The following POLR3E variants were observed in gnomAD, a reference collection of about 807,000 sequenced individuals.
POLR3E encodes DNA-directed RNA polymerase III subunit RPC5.
Under a neutral mutation model 96.6 loss-of-function variants are expected in POLR3E, and 41 were observed. That is an observed-to-expected ratio of 0.42 (90% CI 0.33 to 0.55). The LOEUF (loss-of-function observed/expected upper bound fraction) is 0.55. POLR3E is among the 20% of genes least tolerant of loss of function. POLR3E has a pLI of 0.06. For synonymous variants in POLR3E, 396 were observed against 383.6 expected, an observed-to-expected ratio of 1.03 and a Z score of -0.38; for missense variants, 849 against 952.1, an observed-to-expected ratio of 0.89 and a Z score of 1.43.
At position 22,324,585 on chromosome 16, in the gene POLR3E, A is replaced by G; in HGVS notation, c.1211A>G (p.Tyr404Cys). 3.1e-6 allele frequency: 5 copies of G among 1,613,534 alleles called. No homozygotes were observed. Among genetic ancestry groups the G allele is most frequent in the Non-Finnish European group, 4.2e-6 (5 of 1,179,808 alleles). ...INKGWEFILP[Y>C]DGEFIKKHPD... ...AAAGGCTGGGAGTTCATTCTGCCTT[A>G]TGATGGGGAGTTCATCAAGAAGCAC... Residue 404 changes from tyrosine to cysteine, a missense_variant, in exon 16 of 21, where the codon TAT (tyrosine) becomes TGT (cysteine). Tyr to Cys is a radical substitution (Grantham distance 194). Transcript: ENST00000299853.
intron 13 of POLR3E, among the ~76,000 whole-genome samples, chr16:22,321,107 G>A (rs1269257733): frequency 1.3e-5 from 2 of 152,104 alleles, no homozygotes; most frequent in Admixed American, 6.5e-5. Context: ...CTGCCTCCAC[G>A]AGACCATCAG....
intron 20 of POLR3E, 116 bp from the exon 21 acceptor site, chr16:22,333,528 G>T: frequency 5.5e-6 from 4 of 730,314 alleles, no homozygotes; most frequent in South Asian, 3.3e-5. Flanking sequence ...GGCAGTTTTT[G>T]ATTTCCCATT....
intron 8 of POLR3E, 149 bp downstream of exon 8, chr16:22,314,277 C>A: frequency 1.5e-6 from 1 of 664,562 alleles, no homozygotes. Context: ...AGGGAACAAC[C>A]TGAGTTGTTC....
chr16:22,322,088 G>A lies in POLR3E; in HGVS notation c.987-762G>A, dbSNP rs1192223199. On this transcript the variant is annotated intron_variant, in intron 13 of 20. Coordinates refer to ENST00000299853, the MANE Select transcript of POLR3E (RefSeq NM_018119.4). The surrounding 1 kb of genome is among the most constrained non-coding windows in gnomAD (Gnocchi z 5.2). ...ACTTAATAGGTACCTTCGCTGTGGT[G>A]GCAGCGATGAGCCACATCGGCAGAG... is the stretch of plus-strand genomic sequence containing the variant. Among the ~76,000 whole-genome samples, 1 of 152,202 alleles carries A rather than the reference G, an allele frequency of 6.6e-6. No homozygotes were observed. The highest frequency in any genetic ancestry group is 6.5e-5 in the Admixed American group (1 of 15,288).
intron 1 of POLR3E, 36 bp from the exon 2 acceptor site, chr16:22,302,895 C>CGACT: frequency 6.4e-6 from 9 of 1,402,272 alleles, no homozygotes; most frequent in Non-Finnish European, 9.1e-6. Context: ...GTTGGTTGAA[C>CGACT]GACTGATGGT....
At chr16:22,321,313 A>G (rs2048467056) in intron 13 of POLR3E, among the ~76,000 whole-genome samples, 1 of 152,254 alleles carries the variant, frequency 6.6e-6, no homozygotes, top group Non-Finnish European at 1.5e-5. Context: ...AAGGTGAGCA[A>G]TGTGACAAAA....
intron 6 of POLR3E, among the ~76,000 whole-genome samples, chr16:22,311,268 C>CTTTTTTT (rs57435708): frequency 1.8e-5 from 2 of 109,418 alleles, no homozygotes; most frequent in African/African-American, 7.2e-5. Context: ...TGTGCCCAGC[C>CTTTTTTT]TTTTTTTTTT....
intron 18 of POLR3E, 131 bp from the exon 19 acceptor site, chr16:22,328,379 G>A: frequency 1.3e-6 from 1 of 742,096 alleles, no homozygotes. Context: ...CTCAGAGATG[G>A]TGAGTAGCAG....
At chr16:22,308,778 T>C (rs2048184084) in intron 4 of POLR3E, 147 bp from the exon 5 acceptor site, 1 of 600,520 alleles carries the variant, frequency 1.7e-6, no homozygotes, top group African/African-American at 1.9e-5. Context: ...TGGTGTGGAC[T>C]GAAGTCCAGG....
chr16:22,331,983 G>C, intron 19 of POLR3E, 77 bp from the exon 20 acceptor site: 1 of 1,478,132 alleles, frequency 6.8e-7, no homozygotes, highest in Non-Finnish European at 9.3e-7. Flanking sequence ...TCAGGTGCAT[G>C]GCTTGGGTGT....
intron 1 of POLR3E, among the ~76,000 whole-genome samples, chr16:22,297,850 G>T (rs938362586): frequency 6.6e-6 from 1 of 152,248 alleles, no homozygotes; most frequent in African/African-American, 2.4e-5. Context: ...CTGTCCGCGC[G>T]TCGGGTGTAG....
intron 1 of POLR3E, among the ~76,000 whole-genome samples, chr16:22,298,530 T>G (rs922343661): frequency 5.3e-5 from 8 of 152,224 alleles, no homozygotes; most frequent in East Asian, 1.9e-4. Context: ...ACAACTCAGG[T>G]GGGTCACAGA....
intron 18 of POLR3E, chr16:22,326,729 G>A (rs969368519): frequency 5.1e-5 from 11 of 216,952 alleles, no homozygotes; most frequent in Non-Finnish European, 9.4e-5. Context: ...TACCTAGGAG[G>A]TAGTAGAGCT....
chr16:22,310,649 C>T (rs1256817960), intron 6 of POLR3E, among the ~76,000 whole-genome samples: 2 of 144,756 alleles, frequency 1.4e-5, no homozygotes, highest in Non-Finnish European at 3.0e-5. Flanking sequence ...AGGTAAAAAG[C>T]ATATAGCCGG....
At chr16:22,332,328 G>A in intron 20 of POLR3E, 143 bp downstream of exon 20, 1 of 704,982 alleles carries the variant, frequency 1.4e-6, no homozygotes, top group Non-Finnish European at 2.3e-6. Context: ...TTGAGCAACT[G>A]TTAATGATTG....
At chr16:22,314,819 G>A (rs2048320375) in intron 8 of POLR3E, 1 of 314,676 alleles carries the variant, frequency 3.2e-6, no homozygotes, top group Non-Finnish European at 6.0e-6. Context: ...TCTGCTTTAA[G>A]GACTCTGCTG....
In POLR3E at chr16:22,316,623, G is replaced by C; in HGVS notation, c.665G>C (p.Arg222Pro). Residue 222 changes from arginine to proline, a missense_variant, in exon 10 of 21, where the codon CGT becomes CCT. Transcript: ENST00000299853. ...GLRDSRSEHE[R>P]QYLLCPGSSG... is the part of the protein sequence containing the mutation. ...CAGGACAGTCGCTCTGAGCATGAGC[G>C]TCAGTACCTGCTGTGCCCCGGCTCA... 3 of 1,613,998 alleles carry C rather than the reference G, an allele frequency of 1.9e-6. No individual in the cohort carries two copies. The highest frequency in any genetic ancestry group is 2.5e-6 in the Non-Finnish European group (3 of 1,179,886).
rs750241086 is a variant in POLR3E at position 22,316,653 on chromosome 16, G to T, written c.695G>T (p.Gly232Val). 6.2e-7 allele frequency: 1 copy of T among 1,613,974 alleles called. No homozygotes were observed. Among genetic ancestry groups the T allele is most frequent in the African/African-American group, 1.3e-5 (1 of 74,936 alleles). ...RQYLLCPGSS[G>V]VENTELVKSP... is the part of the protein sequence containing the mutation. ...TACCTGCTGTGCCCCGGCTCAAGCG[G>T]GGTGGAGAACACGGAGCTCGTCAAG... Residue 232 changes from glycine (G) to valine (V), a missense_variant, in exon 10 of 21, where the codon GGG becomes GTG. By Grantham distance (109) the Gly-to-Val change is moderately radical. Transcript: ENST00000299853.
chr16:22,322,783 C>T lies in POLR3E; in HGVS notation c.987-67C>T, dbSNP rs1393896378. The T allele has an allele frequency of 2.0e-5, 23 of 1,133,292 alleles. No individual in the cohort carries two copies. The highest frequency in any genetic ancestry group is 2.5e-5 in the Non-Finnish European group (19 of 756,788). 70.2% of individuals were successfully genotyped at this position (1,133,292 alleles called of 1,614,324 possible). On this transcript the variant is annotated intron_variant, in intron 13 of 20. Transcript: ENST00000299853. This position sits in a 1 kb window ranked among gnomAD's most constrained non-coding sequence, Gnocchi z 5.2. ...AAAGAAGCATGGACTGGGGCTTGGC[C>T]GGGAGGGGTAGCGGTAGAGGGGGCT...
Sources: gnomAD v4.1 joint callset for allele counts (sites outside exome capture counted in the v4.1 genomes callset) on GRCh38, gnomAD v4.1.1 for gene constraint, Gnocchi (gnomAD v3.1) non-coding constraint, MANE v1.5 for transcripts, NCBI Gene and HGNC (gene_info 2026-07-23, HGNC 2026-07-21) for gene names.